MSI2: variants seen among roughly 807,000 people sequenced by gnomAD.
The protein encoded by MSI2 is musashi RNA binding protein 2, also known as RNA-binding protein Musashi homolog 2.
Under a neutral mutation model 45.6 loss-of-function variants are expected in MSI2, and 17 were observed. That is an observed-to-expected ratio of 0.37 (90% CI 0.26 to 0.56). The LOEUF (loss-of-function observed/expected upper bound fraction) is 0.56. Ranked by LOEUF, MSI2 falls within the 20% of genes least tolerant of loss-of-function variation. MSI2 has a pLI of 0.77. For missense variants in MSI2, 293 were observed against 444.2 expected (o/e 0.66, Z 3.06); for synonymous variants, 156 against 158.2 (o/e 0.99, Z 0.11).
chr17:57,286,068 C>T, intron 5 of MSI2: 2 of 1,104,954 alleles, frequency 1.8e-6, no homozygotes, highest in Admixed American at 3.3e-5. Context: ...CTGTCTTTCC[C>T]TCCCTTCCTT....
chr17:57,598,759 C>T (rs1905524248), intron 8 of MSI2, among the ~76,000 whole-genome samples: 1 of 152,050 alleles, frequency 6.6e-6, no homozygotes, highest in Non-Finnish European at 1.5e-5. Context: ...GCCTCCCGGG[C>T]TCAAGCAATT....
intron 5 of MSI2, among the ~76,000 whole-genome samples, chr17:57,395,037 G>A (rs936556847): frequency 1.3e-5 from 2 of 152,168 alleles, no homozygotes; most frequent in African/African-American, 4.8e-5. Flanking sequence ...GGGAAAAACT[G>A]TCCCATACCT....
rs1391003312 is a variant in MSI2, at chr17:57,652,057, A to C, written c.728-42A>C. 6.2e-7 allele frequency: 1 copy of C among 1,604,398 alleles called. No homozygotes were observed. On this transcript the variant is annotated intron_variant, in intron 10 of 13. Coordinates refer to ENST00000284073, the MANE Select transcript of MSI2 (RefSeq NM_138962.4). This position sits in a 1 kb window ranked among gnomAD's most constrained non-coding sequence, Gnocchi z 4.1. The stretch of plus-strand genomic sequence containing the variant: ...ACCTAGGTCTGTGCCTGGCCCTTTC[A>C]AGGATTCCTCCATGACTCAGGCTCC...
intron 7 of MSI2, among the ~76,000 whole-genome samples, chr17:57,580,959 G>A (rs1027012914): frequency 7.1e-6 from 1 of 141,616 alleles, no homozygotes; most frequent in Admixed American, 7.3e-5. Flanking sequence ...ACCAGAACTA[G>A]CATTATCTCA....
Position 57,684,454 on chromosome 17 carries a change from A to C in MSI2, c.*4937A>C, listed in dbSNP as rs1223499600. On this transcript the variant is annotated 3_prime_UTR_variant, in exon 14 of 14. Transcript: ENST00000284073. The stretch of plus-strand genomic sequence containing the variant: ...ATATACATATATATGTACTATCTAT[A>C]TATATATCTCAAGCATCTTTCAGGT... 5.7e-6 allele frequency: 1 copy of C among 174,182 alleles called. No homozygotes were observed. The highest frequency in any genetic ancestry group is 2.4e-5 in the African/African-American group (1 of 41,746). 10.8% of individuals were successfully genotyped at this position (174,182 alleles called of 1,614,324 possible).
At chr17:57,466,911 C>T (rs2085340633) in intron 6 of MSI2, among the ~76,000 whole-genome samples, 1 of 152,174 alleles carries the variant, frequency 6.6e-6, no homozygotes, top group Admixed American at 6.5e-5. Context: ...TTCTGTGCCC[C>T]CTGCTCTTTA....
At chr17:57,631,416 G>T (rs1208694507) in intron 10 of MSI2, 1 of 203,198 alleles carries the variant, frequency 4.9e-6, no homozygotes, top group Non-Finnish European at 9.8e-6. Context: ...TCTTAGTAGA[G>T]CCTCATTCTC....
chr17:57,598,722 G>A (rs1159957817), intron 8 of MSI2, among the ~76,000 whole-genome samples: 5 of 152,126 alleles, frequency 3.3e-5, no homozygotes, highest in East Asian at 3.9e-4. Flanking sequence ...GAATGCAGTG[G>A]CACGATCTCG....
chr17:57,420,218 C>T (rs1362966428), intron 6 of MSI2, among the ~76,000 whole-genome samples: 1 of 152,218 alleles, frequency 6.6e-6, no homozygotes, highest in Non-Finnish European at 1.5e-5. Flanking sequence ...GGCCACCCTC[C>T]AGCAAGGTAG....
At chr17:57,344,182 C>T (rs976072836) in intron 5 of MSI2, among the ~76,000 whole-genome samples, 2 of 152,194 alleles carry the variant, frequency 1.3e-5, no homozygotes, top group African/African-American at 4.8e-5. Flanking sequence ...TTCCTACATC[C>T]CCTCTTTATT....
chr17:57,498,810 C>T (rs2086034840), intron 6 of MSI2, among the ~76,000 whole-genome samples: 1 of 151,794 alleles, frequency 6.6e-6, no homozygotes, highest in Admixed American at 6.6e-5. Context: ...GGTACACGTG[C>T]ACAATGTGCA....
chr17:57,311,606 A>G (rs903434881), intron 5 of MSI2, among the ~76,000 whole-genome samples: 2 of 152,166 alleles, frequency 1.3e-5, no homozygotes, highest in African/African-American at 4.8e-5. Context: ...GCTGGAGTGC[A>G]GTATATACAC....
chr17:57,656,912 A>G (rs1911637500), intron 11 of MSI2, among the ~76,000 whole-genome samples: 1 of 152,212 alleles, frequency 6.6e-6, no homozygotes, highest in South Asian at 2.1e-4. Context: ...GAGGTCTCTC[A>G]GAGCTTCTGG....
rs760374343 is a variant in MSI2 at position 57,257,470 on chromosome 17, C to A, written c.108C>A (p.Ser36Arg). 3 of 1,471,596 alleles carry A rather than the reference C, an allele frequency of 2.0e-6. No homozygotes were observed. The highest frequency in any genetic ancestry group is 2.8e-6 in the Non-Finnish European group (3 of 1,062,188). The allele number at this position is 1,471,596 out of a possible 1,614,324, so 91.2% of individuals were successfully genotyped here. A position where few individuals can be genotyped will look rare whatever the true frequency, so the allele number is the denominator to read the frequency against. ...GGLSWQTSPD[S>R]LRDYFSKFGE... ...TCTCTCTTTCTCTCTCTACAGATAG[C>A]CTTAGAGACTATTTTAGCAAATTTG... The change falls in exon 3 of 14, where the codon AGC (serine) becomes AGA (arginine). Residue 36 changes from serine to arginine, a missense_variant. Ser to Arg is a moderately radical substitution (Grantham distance 110). Transcript: ENST00000284073.
chr17:57,537,460 A>G (rs1474833833), intron 7 of MSI2, among the ~76,000 whole-genome samples: 2 of 152,226 alleles, frequency 1.3e-5, no homozygotes, highest in African/African-American at 4.8e-5. Context: ...AATAAACACC[A>G]TTAGCCTTCC....
chr17:57,310,163 C>T (rs945880179), intron 5 of MSI2, among the ~76,000 whole-genome samples: 2 of 152,218 alleles, frequency 1.3e-5, no homozygotes, highest in Non-Finnish European at 2.9e-5. Flanking sequence ...CTTCTGTATC[C>T]TGGACTGAGA....
intron 11 of MSI2, among the ~76,000 whole-genome samples, chr17:57,653,268 A>C (rs577003831): frequency 6.6e-6 from 1 of 152,312 alleles, no homozygotes; most frequent in East Asian, 1.9e-4. Flanking sequence ...GCCTCGAGCT[A>C]CAAAGGATCC....
chr17:57,557,307 T>A (rs765396930), intron 7 of MSI2, among the ~76,000 whole-genome samples: 1 of 152,218 alleles, frequency 6.6e-6, no homozygotes, highest in Non-Finnish European at 1.5e-5. Context: ...TTACGCAAGA[T>A]GAGTCCAGGA....
rs1909340690 is a variant in MSI2 at position 57,280,695 on chromosome 17, G to A, written c.312+18503G>A. Among the ~76,000 whole-genome samples the A allele has an allele frequency of 6.6e-6, 1 of 152,022 alleles. No homozygotes were observed. Among genetic ancestry groups the A allele is most frequent in the African/African-American group, 2.4e-5 (1 of 41,382 alleles). On this transcript the variant is annotated intron_variant, in intron 5 of 13. Transcript: ENST00000284073. This position sits in a 1 kb window ranked among gnomAD's most constrained non-coding sequence, Gnocchi z 4.2. ...TACTCTTAGTGACGGACCCCTATTG[G>A]TAAACTTGTTTTTGAGCTTGCACTG...
Sources: allele counts gnomAD v4.1 joint callset (sites outside exome capture counted in the v4.1 genomes callset), GRCh38; gene constraint gnomAD v4.1.1; non-coding constraint Gnocchi (gnomAD v3.1); transcripts MANE v1.5; gene names NCBI Gene and HGNC (gene_info 2026-07-23, HGNC 2026-07-21).